WWC2: variants seen among roughly 807,000 people sequenced by gnomAD.
The protein encoded by WWC2 is WW and C2 domain containing 2.
Under a neutral mutation model 138.5 loss-of-function variants are expected in WWC2, and 101 were observed. The observed-to-expected ratio is 0.73, with a 90% confidence interval of 0.62 to 0.86. WWC2 has a LOEUF of 0.86. WWC2 is among the 40% of genes least tolerant of loss of function. The pLI, the probability that WWC2 is intolerant of heterozygous loss-of-function variation, is 0.00. For synonymous variants in WWC2, 558 were observed against 538.4 expected (o/e 1.04, Z -0.50); for missense variants, 1,420 against 1,419.4 (o/e 1.00, Z -0.01).
rs767438512 is a variant in WWC2 at position 183,289,376 on chromosome 4, C to T, written c.3142-17C>T. 2.1e-5 allele frequency: 33 copies of T among 1,605,684 alleles called. No individual in the cohort carries two copies. Among genetic ancestry groups the T allele is most frequent in the Non-Finnish European group, 2.6e-5 (31 of 1,175,156 alleles). On this transcript the variant is annotated splice_polypyrimidine_tract_variant and intron_variant, in intron 20 of 22. Coordinates refer to ENST00000403733, the MANE Select transcript of WWC2 (RefSeq NM_024949.6). Reference sequence around the variant, plus strand: ...TGTATAACCAGGGTGTTCGTCATTCCGTTTCTAACTATCCAGACGGTTTGC... The same window carrying T: ...TGTATAACCAGGGTGTTCGTCATTCTGTTTCTAACTATCCAGACGGTTTGC...
chr4:183,285,657 G>C (rs2048256335), intron 19 of WWC2, among the ~76,000 whole-genome samples: 1 of 152,096 alleles, frequency 6.6e-6, no homozygotes, highest in Non-Finnish European at 1.5e-5. Flanking sequence ...TTACTACAGA[G>C]GCTGAGGCAG....
intron 21 of WWC2, among the ~76,000 whole-genome samples, chr4:183,304,837 C>T (rs1049398098): frequency 3.3e-5 from 5 of 152,186 alleles, no homozygotes; most frequent in African/African-American, 9.7e-5. Context: ...TAGTATATTA[C>T]GTCTGGGTTT....
At chr4:183,199,255 G>A (rs1411278824) in intron 2 of WWC2, among the ~76,000 whole-genome samples, 1 of 152,166 alleles carries the variant, frequency 6.6e-6, no homozygotes, top group African/African-American at 2.4e-5. Context: ...GGTTTTGACT[G>A]GGGCAGGGAA....
At chr4:183,181,283 A>C (rs1187897833) in intron 1 of WWC2, among the ~76,000 whole-genome samples, 1 of 152,186 alleles carries the variant, frequency 6.6e-6, no homozygotes, top group Admixed American at 6.5e-5. Context: ...ACAGTTCTCA[A>C]GTATTTTTCA....
At chr4:183,287,221 A>G (rs1738288752) in intron 20 of WWC2, among the ~76,000 whole-genome samples, 1 of 152,184 alleles carries the variant, frequency 6.6e-6, no homozygotes, top group Non-Finnish European at 1.5e-5. Context: ...AAGGCATAAA[A>G]GAATATTTTG....
intron 4 of WWC2, among the ~76,000 whole-genome samples, chr4:183,219,177 G>A (rs1174390246): frequency 6.6e-6 from 1 of 152,090 alleles, no homozygotes; most frequent in African/African-American, 2.4e-5. Flanking sequence ...GTTACCAGGG[G>A]CTGAGGAAGA....
In WWC2 at chr4:183,316,900, T is replaced by A. The variant is rs1231645725; in HGVS notation, c.*1171T>A. On this transcript the variant is annotated 3_prime_UTR_variant, in exon 23 of 23. Coordinates refer to ENST00000403733, the MANE Select transcript of WWC2 (RefSeq NM_024949.6). Reference sequence around the variant, plus strand: ...AAATTGTTTATTAAAAAGCCTATTTTGGATGAACAAGTTTAGAGAGATAAA... The same window carrying A: ...AAATTGTTTATTAAAAAGCCTATTTAGGATGAACAAGTTTAGAGAGATAAA... 1 of 152,224 alleles carries A rather than the reference T, an allele frequency of 6.6e-6. No individual in the cohort carries two copies. The highest frequency in any genetic ancestry group is 1.5e-5 in the Non-Finnish European group (1 of 68,046). The allele number at this position is 152,224 out of a possible 1,614,324, so 9.4% of individuals were successfully genotyped here. A position where few individuals can be genotyped will look rare whatever the true frequency, so the allele number is the denominator to read the frequency against.
In WWC2 at chr4:183,317,107, A is replaced by G. The variant is rs965547168; in HGVS notation, c.*1378A>G. 3.3e-5 allele frequency: 5 copies of G among 152,292 alleles called. No homozygotes were observed. Among genetic ancestry groups the G allele is most frequent in the African/African-American group, 1.2e-4 (5 of 41,572 alleles). The allele number at this position is 152,292 out of a possible 1,614,324, so 9.4% of individuals were successfully genotyped here. ...AACAATTTTGGGTTAGCCATCTAAT[A>G]TAGCAAATAAAATAGATTTTTTAAA... On this transcript the variant is annotated 3_prime_UTR_variant, in exon 23 of 23. Coordinates refer to ENST00000403733, the MANE Select transcript of WWC2 (RefSeq NM_024949.6).
chr4:183,209,833 C>T (rs1319302917), intron 4 of WWC2, among the ~76,000 whole-genome samples: 1 of 152,162 alleles, frequency 6.6e-6, no homozygotes, highest in Non-Finnish European at 1.5e-5. Context: ...GAAGTCTGTT[C>T]ACCAAGTAAA....
At chr4:183,217,594 A>G (rs1200255166) in intron 4 of WWC2, among the ~76,000 whole-genome samples, 1 of 152,194 alleles carries the variant, frequency 6.6e-6, no homozygotes, top group Non-Finnish European at 1.5e-5. Flanking sequence ...TATTAAAAAA[A>G]ACAAAATGGA....
chr4:183,120,006 A>G (rs773818701), intron 1 of WWC2, among the ~76,000 whole-genome samples: 3 of 152,242 alleles, frequency 2.0e-5, no homozygotes, highest in Non-Finnish European at 2.9e-5. Flanking sequence ...CACAACGGAA[A>G]TGGAAATCAT....
Position 183,261,461 on chromosome 4 carries a change from C to T in WWC2, c.1838C>T (p.Ala613Val), listed in dbSNP as rs1177835538. The change falls in exon 11 of 23, where the codon GCC (alanine) becomes GTC (valine). Residue 613 changes from alanine to valine, a missense_variant. Physicochemically the swap from Ala to Val is moderately conservative, Grantham distance 64. Coordinates refer to ENST00000403733, the MANE Select transcript of WWC2 (RefSeq NM_024949.6). Reference sequence around the variant, plus strand: ...TTGCTGGATTCTGATTCAGGAGGAGCCTCCCAGTCTCTTTCAGAGGATAAA... The same window carrying T: ...TTGCTGGATTCTGATTCAGGAGGAGTCTCCCAGTCTCTTTCAGAGGATAAA... ...QILLDSDSGG[A>V]SQSLSEDKDL... 5.0e-6 allele frequency: 8 copies of T among 1,612,368 alleles called. 1 individual carries two copies. Among genetic ancestry groups the T allele is most frequent in the Non-Finnish European group, 6.8e-6 (8 of 1,179,250 alleles).
At chr4:183,175,754 G>A (rs1734450329) in intron 1 of WWC2, among the ~76,000 whole-genome samples, 1 of 152,134 alleles carries the variant, frequency 6.6e-6, no homozygotes, top group African/African-American at 2.4e-5. Context: ...ATAAAGATGA[G>A]GCCCTGATAA....
intron 22 of WWC2, among the ~76,000 whole-genome samples, chr4:183,314,445 T>C (rs1009651708): frequency 6.6e-6 from 1 of 152,190 alleles, no homozygotes; most frequent in African/African-American, 2.4e-5. Flanking sequence ...AATGATGAGA[T>C]GGACCAGGGT....
At chr4:183,216,328 A>G (rs1735753476) in intron 4 of WWC2, among the ~76,000 whole-genome samples, 1 of 152,234 alleles carries the variant, frequency 6.6e-6, no homozygotes, top group Non-Finnish European at 1.5e-5. Context: ...GTAAGGGAAT[A>G]AAATTGTGTG....
At chr4:183,282,171 T>C (rs753396010) in intron 17 of WWC2, among the ~76,000 whole-genome samples, 1 of 152,228 alleles carries the variant, frequency 6.6e-6, no homozygotes, top group Non-Finnish European at 1.5e-5. Context: ...GCACCACTTA[T>C]ACCACTTATA....
At chr4:183,241,442 A>G (rs1211078783) in intron 5 of WWC2, among the ~76,000 whole-genome samples, 2 of 152,228 alleles carry the variant, frequency 1.3e-5, no homozygotes, top group African/African-American at 4.8e-5. Flanking sequence ...ACCACCAGTC[A>G]GACGCATGAC....
chr4:183,268,970 G>C lies in WWC2; in HGVS notation c.2208-1G>C. 1 of 1,608,710 alleles carries C rather than the reference G, an allele frequency of 6.2e-7. No individual in the cohort carries two copies. Among genetic ancestry groups the C allele is most frequent in the Non-Finnish European group, 8.5e-7 (1 of 1,178,102 alleles). ...ATCCATTTTATTCTTGTTCTTTGCA[G>C]ATATTTTAGGGTTGCCGTTCTTCCT... On this transcript the variant is annotated splice_acceptor_variant, in intron 14 of 22. Transcript: ENST00000403733. LOFTEE classifies it high-confidence loss of function.
chr4:183,233,649 C>T (rs1259545295), intron 4 of WWC2: 1 of 152,158 alleles, frequency 6.6e-6, no homozygotes, highest in African/African-American at 2.4e-5. Context: ...CATCTCGTTT[C>T]TGATGGCCAA....
Sources: gnomAD v4.1 joint callset for allele counts (sites outside exome capture counted in the v4.1 genomes callset) on GRCh38, gnomAD v4.1.1 for gene constraint, MANE v1.5 for transcripts, NCBI Gene and HGNC (gene_info 2026-07-23, HGNC 2026-07-21) for gene names.